The following PKD2L1 variants were observed in gnomAD, a reference collection of about 807,000 sequenced individuals.
PKD2L1 encodes the protein polycystin 2 like 1, transient receptor potential cation channel.
PKD2L1 carries 77 observed loss-of-function variants against 93.0 expected under a neutral mutation model. That is an observed-to-expected ratio of 0.83 (90% CI 0.69 to 1.00). The LOEUF is 1.00. PKD2L1 is among the 50% of genes least tolerant of loss of function. The pLI is 0.00. For synonymous variants in PKD2L1, 390 were observed against 388.0 expected (o/e 1.01, Z -0.06); for missense variants, 977 against 990.9 (o/e 0.99, Z 0.19).
At chr10:100,300,042 C>G (rs1411320923) in intron 2 of PKD2L1, among the ~76,000 whole-genome samples, 1 of 152,202 alleles carries the variant, frequency 6.6e-6, no homozygotes, top group Non-Finnish European at 1.5e-5. Context: ...TTCTTACTCC[C>G]CAGAGCAAAG....
At chr10:100,315,432 C>G (rs1849081054) in intron 2 of PKD2L1, among the ~76,000 whole-genome samples, 1 of 152,162 alleles carries the variant, frequency 6.6e-6, no homozygotes, top group Non-Finnish European at 1.5e-5. Context: ...CCCTTGCCCC[C>G]TACCCCGTGA....
Position 100,329,244 on chromosome 10 carries a change from C to A in PKD2L1, c.316G>T (p.Val106Leu). The stretch of plus-strand genomic sequence containing the variant: ...ATGTCCACCAGGAACACAATATATA[C>A]CAACAGCTCCCTCAGGGTGGTCTTG... ...YIKTTLRELL[V>L]YIVFLVDICL... The change falls in exon 2 of 16, where the codon GTA (valine) becomes TTA (leucine). Residue 106 changes from valine (V) to leucine (L), a missense_variant. Val to Leu is a conservative substitution (Grantham distance 32). Coordinates refer to ENST00000318222, the MANE Select transcript of PKD2L1 (RefSeq NM_016112.3). 3 of 1,614,080 alleles carry A rather than the reference C, an allele frequency of 1.9e-6. No homozygotes were observed. Among genetic ancestry groups the A allele is most frequent in the Non-Finnish European group, 2.5e-6 (3 of 1,179,934 alleles).
chr10:100,316,680 G>A (rs1406413775), intron 2 of PKD2L1, among the ~76,000 whole-genome samples: 1 of 152,218 alleles, frequency 6.6e-6, no homozygotes, highest in Admixed American at 6.5e-5. Flanking sequence ...CAGTCTCTGA[G>A]CCAGTGGTTT....
At chr10:100,327,563 T>C (rs1849405776) in intron 2 of PKD2L1, among the ~76,000 whole-genome samples, 1 of 152,206 alleles carries the variant, frequency 6.6e-6, no homozygotes, top group African/African-American at 2.4e-5. Context: ...CAGAGGCTAA[T>C]CTGGAAAGAG....
At chr10:100,311,442 T>A (rs957833440) in intron 2 of PKD2L1, among the ~76,000 whole-genome samples, 1 of 152,222 alleles carries the variant, frequency 6.6e-6, no homozygotes, top group Non-Finnish European at 1.5e-5. Context: ...TGACTAATAA[T>A]TATTATTAAT....
intron 4 of PKD2L1, 25 bp from the exon 5 acceptor site, chr10:100,297,631 C>T: frequency 6.3e-7 from 1 of 1,584,394 alleles, no homozygotes; most frequent in Non-Finnish European, 8.7e-7. Context: ...GCCAGCTGAG[C>T]CAGCCCAAAA....
chr10:100,308,742 A>G (rs1848864362), intron 2 of PKD2L1, among the ~76,000 whole-genome samples: 1 of 152,238 alleles, frequency 6.6e-6, no homozygotes, highest in Non-Finnish European at 1.5e-5. Flanking sequence ...TTTAACCACT[A>G]TTCTACACTA....
Position 100,300,395 on chromosome 10 carries a change from T to TAA in PKD2L1, c.350-679_350-678dup, listed in dbSNP as rs11415788. ...TGCACACATTGTGTGCAAGTTAAAT[T>TAA]AAAAAAAAAAGACCTGGACTTTACC... On this transcript the variant is annotated intron_variant, in intron 2 of 15. Coordinates refer to ENST00000318222, the MANE Select transcript of PKD2L1 (RefSeq NM_016112.3). Among the ~76,000 whole-genome samples the TAA allele has an allele frequency of 2.9e-3, 439 of 150,086 alleles. 2 individuals carry two copies. Among genetic ancestry groups the TAA allele is most frequent in the Non-Finnish European group, 2.6e-3 (174 of 67,310 alleles).
chr10:100,296,955 C>G (rs1323034787), intron 6 of PKD2L1, 25 bp downstream of exon 6: 1 of 1,520,166 alleles, frequency 6.6e-7, no homozygotes, highest in Admixed American at 1.7e-5. Context: ...CAGAATGTCC[C>G]AAGTCCTAGA....
intron 2 of PKD2L1, among the ~76,000 whole-genome samples, chr10:100,320,241 T>C (rs572921524): frequency 7.9e-5 from 12 of 152,294 alleles, no homozygotes; most frequent in African/African-American, 2.6e-4. Context: ...CTGTGTAAGG[T>C]TTAAAGGATT....
At chr10:100,292,328 C>A (rs936880361) in intron 11 of PKD2L1, among the ~76,000 whole-genome samples, 1 of 151,866 alleles carries the variant, frequency 6.6e-6, no homozygotes, top group Non-Finnish European at 1.5e-5. Flanking sequence ...CCCATCTCTA[C>A]CAAAAATACA....
At position 100,292,962 on chromosome 10, in the gene PKD2L1, G is replaced by C; in HGVS notation, c.1866C>G (p.Thr622=). The stretch of plus-strand genomic sequence containing the variant: ...TGGTTGCTCACTCCCTTAAGGTGTT[G>C]GTGAAATCCTCAAACTGGATCTCCT... ...GEQEIQFEDF[T]NTLRELGHAE... The change falls in exon 11 of 16, where the codon ACC becomes ACG. Residue 622 remains threonine, a synonymous_variant. Coordinates refer to ENST00000318222, the MANE Select transcript of PKD2L1 (RefSeq NM_016112.3). 7.4e-6 allele frequency: 12 copies of C among 1,614,044 alleles called. No homozygotes were observed. The highest frequency in any genetic ancestry group is 1.0e-5 in the Non-Finnish European group (12 of 1,179,958).
rs71013443 is a variant in PKD2L1, at chr10:100,321,904, CAAGG to C, written c.349+7303_349+7306del. On this transcript the variant is annotated intron_variant, in intron 2 of 15. Transcript: ENST00000318222. ...GGAGGGAGGGAGGGAGGGAAGGAAG[CAAGG>C]AAGGAAGGAAGGAAGGAAGGAAGGA... 4.2e-4 allele frequency among the ~76,000 whole-genome samples: 4 copies of C among 9,480 alleles called. 1 individual carries two copies. Among genetic ancestry groups the C allele is most frequent in the African/African-American group, 1.5e-3 (3 of 1,982 alleles). 6.2% of individuals were successfully genotyped at this position (9,480 alleles called of 152,430 possible).
At chr10:100,293,401 T>C in intron 9 of PKD2L1, 22 bp from the exon 10 acceptor site, 11 of 1,447,998 alleles carry the variant, frequency 7.6e-6, no homozygotes, top group Non-Finnish European at 1.1e-5. Flanking sequence ...AGTGGGGACC[T>C]GGGTCCTCAC....
intron 2 of PKD2L1, among the ~76,000 whole-genome samples, chr10:100,320,642 C>T (rs1471789342): frequency 6.6e-6 from 1 of 152,192 alleles, no homozygotes; most frequent in Non-Finnish European, 1.5e-5. Flanking sequence ...AATAGATACA[C>T]ATTATAAATT....
intron 2 of PKD2L1, 43 bp downstream of exon 2, chr10:100,329,168 T>C (rs1377074526): frequency 6.3e-7 from 1 of 1,595,876 alleles, no homozygotes; most frequent in Admixed American, 1.7e-5. Context: ...CACACATAGA[T>C]GTTTCTCACA....
chr10:100,299,389 T>C (rs1848626417), intron 3 of PKD2L1, among the ~76,000 whole-genome samples: 1 of 152,192 alleles, frequency 6.6e-6, no homozygotes, highest in Admixed American at 6.5e-5. Flanking sequence ...TAACTCCTGG[T>C]TTAATTCCCT....
chr10:100,303,171 G>A (rs1014330921), intron 2 of PKD2L1, among the ~76,000 whole-genome samples: 1 of 149,284 alleles, frequency 6.7e-6, no homozygotes, highest in Admixed American at 6.7e-5. Flanking sequence ...TTTTCTTTAA[G>A]TCCATAATTA....
chr10:100,316,018 T>C (rs768032612), intron 2 of PKD2L1, among the ~76,000 whole-genome samples: 30 of 152,204 alleles, frequency 2.0e-4, no homozygotes, highest in Non-Finnish European at 4.0e-4. Context: ...TCTGGGACCT[T>C]CAAGATTTCC....
Sources: gnomAD v4.1 joint callset for allele counts (sites outside exome capture counted in the v4.1 genomes callset) on GRCh38, gnomAD v4.1.1 for gene constraint, MANE v1.5 for transcripts, NCBI Gene and HGNC (gene_info 2026-07-23, HGNC 2026-07-21) for gene names.